Variants in SUSD5 observed in about 807,000 individuals in gnomAD.
The protein encoded by SUSD5 is sushi domain-containing protein 5.
A neutral mutation model predicts 29.5 loss-of-function variants in SUSD5; 33 were observed. That is an observed-to-expected ratio of 1.12 (90% CI 0.85 to 1.49). SUSD5 has a LOEUF of 1.49. SUSD5 is among the 40% of genes most tolerant of loss of function. The pLI is 0.00. For missense variants in SUSD5, 776 were observed against 800.6 expected (o/e 0.97, Z 0.37); for synonymous variants, 308 against 325.3 (o/e 0.95, Z 0.57).
intron 3 of SUSD5, among the ~76,000 whole-genome samples, chr3:33,181,519 C>T (rs1318553746): frequency 1.3e-5 from 2 of 151,904 alleles, no homozygotes; most frequent in Non-Finnish European, 2.9e-5. Flanking sequence ...ACCAAGAGCA[C>T]GTGCCACCCT....
chr3:33,207,386 A>G (rs937453599), intron 3 of SUSD5, among the ~76,000 whole-genome samples: 2 of 152,076 alleles, frequency 1.3e-5, no homozygotes, highest in African/African-American at 4.8e-5. Context: ...GACTCAGGCT[A>G]CTGGAACCTT....
Position 33,152,749 on chromosome 3 carries a change from T to C in SUSD5, c.1883A>G (p.Lys628Arg), listed in dbSNP as rs61742243. Residue 628 changes from lysine to arginine, a missense_variant, in exon 5 of 5, where the codon AAG (lysine) becomes AGG (arginine). Physicochemically the swap from Lys to Arg is conservative, Grantham distance 26. Coordinates refer to ENST00000309558, the MANE Select transcript of SUSD5 (RefSeq NM_015551.2). The part of the protein sequence containing the change: ...RHYHQQIEME[K>R]V ...AACCCACTCCAAAGGTGCCTAGACCTTCTCCATCTCGATCTGCTGGTGGTA... is the reference window on the plus strand; with the variant it reads ...AACCCACTCCAAAGGTGCCTAGACCCTCTCCATCTCGATCTGCTGGTGGTA... 718 of 1,607,844 alleles carry C rather than the reference T, an allele frequency of 4.5e-4. 4 individuals are homozygous for C. In the African/African-American group the frequency reaches 8.6e-3, roughly 19 times the overall value.
intron 3 of SUSD5, among the ~76,000 whole-genome samples, chr3:33,205,801 A>G (rs1040644855): frequency 6.6e-6 from 1 of 152,236 alleles, no homozygotes; most frequent in Non-Finnish European, 1.5e-5. Flanking sequence ...AGACTTATGA[A>G]TAAGTCCCAC....
At chr3:33,202,392 G>C (rs548131188) in intron 3 of SUSD5, among the ~76,000 whole-genome samples, 1 of 152,144 alleles carries the variant, frequency 6.6e-6, no homozygotes, top group African/African-American at 2.4e-5. Flanking sequence ...ACCAAGACAG[G>C]GGAGCATCCA....
chr3:33,188,005 C>G (rs1346159548), intron 3 of SUSD5, among the ~76,000 whole-genome samples: 3 of 152,076 alleles, frequency 2.0e-5, no homozygotes, highest in African/African-American at 4.8e-5. Flanking sequence ...ATTTCAACAT[C>G]AAGAGATATA....
chr3:33,203,909 T>C (rs1367484992), intron 3 of SUSD5, among the ~76,000 whole-genome samples: 2 of 152,110 alleles, frequency 1.3e-5, no homozygotes, highest in African/African-American at 4.8e-5. Flanking sequence ...AGACCATTTG[T>C]TGTTGCTGTT....
rs1469159040 is a variant in SUSD5, at chr3:33,201,272, T to C, written c.409+6536A>G. Among the ~76,000 whole-genome samples the C allele has an allele frequency of 3.3e-5, 5 of 152,274 alleles. No individual in the cohort carries two copies. In the South Asian group the frequency reaches 1.0e-3, roughly 32 times the overall value. ...GCACCCAGCCCTAGGCACACATGTA[T>C]ATGTCTGCAAGGCAGGGCTTTGAAC... On this transcript the variant is annotated intron_variant, in intron 3 of 4. Transcript: ENST00000309558.
chr3:33,188,058 TTCTG>T lies in SUSD5; in HGVS notation c.410-12988_410-12985del, dbSNP rs573162518. Among the ~76,000 whole-genome samples, 418 of 152,316 alleles carry T rather than the reference TTCTG, an allele frequency of 2.7e-3. 1 individual carries two copies. Among genetic ancestry groups the T allele is most frequent in the African/African-American group, 9.4e-3 (391 of 41,562 alleles). Reference sequence around the variant, plus strand: ...CAAGAAAAGAAGATTTTATAAAAGATTCTGTCTATCAACCAAATGTTTATTCATA... The same window carrying T: ...CAAGAAAAGAAGATTTTATAAAAGATTCTATCAACCAAATGTTTATTCATA... On this transcript the variant is annotated intron_variant, in intron 3 of 4. Coordinates refer to ENST00000309558, the MANE Select transcript of SUSD5 (RefSeq NM_015551.2).
intron 1 of SUSD5, among the ~76,000 whole-genome samples, chr3:33,215,577 C>G (rs2032415446): frequency 6.6e-6 from 1 of 152,100 alleles, no homozygotes; most frequent in African/African-American, 2.4e-5. Flanking sequence ...GTGGTATTAT[C>G]ATCCTCATTT....
At chr3:33,208,666 G>A (rs1245518868) in intron 2 of SUSD5, among the ~76,000 whole-genome samples, 2 of 151,308 alleles carry the variant, frequency 1.3e-5, no homozygotes, top group South Asian at 4.2e-4. Context: ...TCTCTGTATT[G>A]ATTTGGAAGT....
intron 1 of SUSD5, among the ~76,000 whole-genome samples, chr3:33,216,089 C>T (rs1179759967): frequency 6.6e-6 from 1 of 152,004 alleles, no homozygotes; most frequent in Non-Finnish European, 1.5e-5. Flanking sequence ...GGATAAACCC[C>T]TACTAAGACT....
intron 3 of SUSD5, among the ~76,000 whole-genome samples, chr3:33,205,978 ATT>A (rs1310606605): frequency 6.6e-6 from 1 of 152,192 alleles, no homozygotes; most frequent in Non-Finnish European, 1.5e-5. Context: ...GCCCTACATT[ATT>A]TCTTTGATAC....
chr3:33,212,599 C>CA (rs1414243916), intron 2 of SUSD5, among the ~76,000 whole-genome samples: 2 of 152,174 alleles, frequency 1.3e-5, no homozygotes, highest in African/African-American at 4.8e-5. Context: ...CACCTAGAGG[C>CA]ATCTTCATTC....
At chr3:33,183,403 G>GT (rs1372601580) in intron 3 of SUSD5, among the ~76,000 whole-genome samples, 1 of 151,644 alleles carries the variant, frequency 6.6e-6, no homozygotes, top group African/African-American at 2.4e-5. Flanking sequence ...AATTATACTT[G>GT]TTTTTTTATT....
chr3:33,153,674 C>A lies in SUSD5; in HGVS notation c.958G>T (p.Ala320Ser), dbSNP rs2030974202. The change falls in exon 5 of 5, where the codon GCT becomes TCT. Residue 320 changes from alanine (A) to serine (S), a missense_variant. Ala to Ser is a moderately conservative substitution (Grantham distance 99). Transcript: ENST00000309558. Reference protein sequence around the residue: ...VDDDTKKQFSAGDNHSGVKLV... With the variant: ...VDDDTKKQFSSGDNHSGVKLV... ...TTTACACCACTGTGGTTGTCTCCAG[C>A]AGAAAACTGCTTTTTGGTGTCATCA... 1 of 1,614,066 alleles carries A rather than the reference C, an allele frequency of 6.2e-7. No individual in the cohort carries two copies. Among genetic ancestry groups the A allele is most frequent in the Admixed American group, 1.7e-5 (1 of 60,030 alleles).
At position 33,152,613 on chromosome 3, in the gene SUSD5, TA is replaced by T; in HGVS notation, c.*128del. 1 of 1,078,598 alleles carries T rather than the reference TA, an allele frequency of 9.3e-7. No homozygotes were observed. The highest frequency in any genetic ancestry group is 1.3e-6 in the Non-Finnish European group (1 of 762,008). The allele number at this position is 1,078,598 out of a possible 1,614,324, so 66.8% of individuals were successfully genotyped here. A position where few individuals can be genotyped will look rare whatever the true frequency, so the allele number is the denominator to read the frequency against. ...TGCTCCAGAGACACTTCTCAGCCTA[TA>T]AAACAAAGGGCTGAGGAAAAAATGA... is the stretch of plus-strand genomic sequence containing the variant. On this transcript the variant is annotated 3_prime_UTR_variant, in exon 5 of 5. Transcript: ENST00000309558.
chr3:33,166,416 C>A (rs567220337), intron 4 of SUSD5, among the ~76,000 whole-genome samples: 1 of 152,306 alleles, frequency 6.6e-6, no homozygotes, highest in African/African-American at 2.4e-5. Flanking sequence ...CAATTTAGAT[C>A]TTGATGGTGC....
At chr3:33,212,735 A>G (rs1308972796) in intron 2 of SUSD5, among the ~76,000 whole-genome samples, 2 of 152,262 alleles carry the variant, frequency 1.3e-5, no homozygotes, top group Non-Finnish European at 2.9e-5. Context: ...CAGCACAGTC[A>G]GACTCCTCAT....
chr3:33,196,551 AAG>A (rs2031999636), intron 3 of SUSD5, among the ~76,000 whole-genome samples: 1 of 152,212 alleles, frequency 6.6e-6, no homozygotes, highest in Admixed American at 6.5e-5. Flanking sequence ...TTTAACAAAA[AAG>A]AACTTCTGTA....
Sources: gnomAD v4.1 joint callset for allele counts (sites outside exome capture counted in the v4.1 genomes callset) on GRCh38, gnomAD v4.1.1 for gene constraint, MANE v1.5 for transcripts, NCBI Gene and HGNC (gene_info 2026-07-23, HGNC 2026-07-21) for gene names.